SH3RF3: variants seen among roughly 807,000 people sequenced by gnomAD.
The protein encoded by SH3RF3 is E3 ubiquitin-protein ligase SH3RF3.
Under a neutral mutation model 66.3 loss-of-function variants are expected in SH3RF3, and 29 were observed. The observed-to-expected ratio is 0.44, with a 90% CI of 0.33 to 0.60. The LOEUF (loss-of-function observed/expected upper bound fraction) is 0.60. Among genes scored for constraint, SH3RF3 ranks in the 20% least tolerant of loss-of-function variants. SH3RF3 has a pLI of 0.04. For synonymous variants in SH3RF3, 583 were observed against 532.0 expected (o/e 1.10, Z -1.32); for missense variants, 1,194 against 1,190.9 (o/e 1.00, Z -0.04).
chr2:109,207,684 A>G (rs1448448029), intron 1 of SH3RF3, among the ~76,000 whole-genome samples: 2 of 152,110 alleles, frequency 1.3e-5, no homozygotes, highest in East Asian at 1.9e-4. Context: ...TTGGAAAGCT[A>G]TTTTCACATG....
intron 1 of SH3RF3, among the ~76,000 whole-genome samples, chr2:109,307,435 T>TTTA (rs5833326): frequency 3.8e-4 from 57 of 150,448 alleles, no homozygotes; most frequent in East Asian, 2.7e-3. Flanking sequence ...TTTTTTTTAT[T>TTTA]ATTATACTTT....
intron 8 of SH3RF3, among the ~76,000 whole-genome samples, chr2:109,484,422 C>G (rs1421330397): frequency 6.6e-6 from 1 of 152,152 alleles, no homozygotes. Flanking sequence ...CATCCACACT[C>G]TGGCCCGCAC....
Position 109,353,955 on chromosome 2 carries a change from GC to G in SH3RF3, c.849+6010del, listed in dbSNP as rs1316079599. Among the ~76,000 whole-genome samples, 3 of 152,130 alleles carry G rather than the reference GC, an allele frequency of 2.0e-5. No individual in the cohort carries two copies. The East Asian group carries it at 5.8e-4, about 29-fold the overall frequency. On this transcript the variant is annotated intron_variant, in intron 2 of 9. Transcript: ENST00000309415. ...GAACACGATGGGAACACCAGAGGAA[GC>G]CCCTAGATGCTCTGGAAAGTCAGAG...
chr2:109,371,263 G>A (rs995668339), intron 2 of SH3RF3, among the ~76,000 whole-genome samples: 3 of 152,220 alleles, frequency 2.0e-5, no homozygotes, highest in East Asian at 3.9e-4. Context: ...GGTGGCACAC[G>A]CCTGTAATCC....
intron 1 of SH3RF3, among the ~76,000 whole-genome samples, chr2:109,259,521 C>T (rs1412706658): frequency 2.6e-5 from 4 of 152,142 alleles, no homozygotes; most frequent in African/African-American, 7.2e-5. Flanking sequence ...CAGGACTCTC[C>T]GGGGCCCTTC....
At chr2:109,377,524 G>A (rs1331994676) in intron 3 of SH3RF3, among the ~76,000 whole-genome samples, 7 of 152,222 alleles carry the variant, frequency 4.6e-5, no homozygotes, top group Non-Finnish European at 1.0e-4. Context: ...GGATGCTTGT[G>A]CCTTAGTTGG....
chr2:109,149,111 T>C (rs1677172026), intron 1 of SH3RF3, among the ~76,000 whole-genome samples: 1 of 152,154 alleles, frequency 6.6e-6, no homozygotes. Context: ...TTCTGGGCTC[T>C]GGGAAGGAGC....
At chr2:109,500,520 G>A (rs1304520754) in intron 9 of SH3RF3, among the ~76,000 whole-genome samples, 1 of 152,208 alleles carries the variant, frequency 6.6e-6, no homozygotes, top group Non-Finnish European at 1.5e-5. Context: ...GGCCTCAGAG[G>A]CTGCAGGGGG....
chr2:109,377,529 A>C (rs1459699655), intron 3 of SH3RF3, among the ~76,000 whole-genome samples: 1 of 152,180 alleles, frequency 6.6e-6, no homozygotes, highest in Non-Finnish European at 1.5e-5. Flanking sequence ...CTTGTGCCTT[A>C]GTTGGTTGTT....
intron 4 of SH3RF3, among the ~76,000 whole-genome samples, chr2:109,415,416 G>C (rs1676696096): frequency 6.6e-6 from 1 of 152,164 alleles, no homozygotes; most frequent in South Asian, 2.1e-4. Flanking sequence ...CTCAGAGCTG[G>C]GCCCAGCCAT....
At chr2:109,471,228 A>G (rs1024073128) in intron 8 of SH3RF3, among the ~76,000 whole-genome samples, 4 of 151,738 alleles carry the variant, frequency 2.6e-5, no homozygotes, top group Admixed American at 6.6e-5. Flanking sequence ...AAAAAAAAAA[A>G]AAAGAAATTA....
chr2:109,145,302 C>T (rs1574472933), intron 1 of SH3RF3, among the ~76,000 whole-genome samples: 1 of 152,162 alleles, frequency 6.6e-6, no homozygotes, highest in African/African-American at 2.4e-5. Flanking sequence ...GGTTACAAGC[C>T]CACTCAGCCC....
intron 2 of SH3RF3, among the ~76,000 whole-genome samples, chr2:109,355,662 C>T (rs1407953133): frequency 6.6e-6 from 1 of 152,170 alleles, no homozygotes; most frequent in African/African-American, 2.4e-5. Flanking sequence ...CCATTGGGAG[C>T]CTCTGGTATT....
chr2:109,481,245 C>G (rs1678827214), intron 8 of SH3RF3, among the ~76,000 whole-genome samples: 1 of 152,242 alleles, frequency 6.6e-6, no homozygotes, highest in Non-Finnish European at 1.5e-5. Flanking sequence ...ACACAGGTCT[C>G]TCTGTGCTCA....
intron 2 of SH3RF3, among the ~76,000 whole-genome samples, chr2:109,369,929 A>G (rs77925721): frequency 0.13 from 19,733 of 152,184 alleles, 1,431 homozygotes; most frequent in Middle Eastern, 0.24. Flanking sequence ...GGCTCCTTGG[A>G]AAGGCGGGTG....
intron 1 of SH3RF3, among the ~76,000 whole-genome samples, chr2:109,210,039 C>A (rs745905496): frequency 3.9e-5 from 6 of 152,204 alleles, no homozygotes; most frequent in Non-Finnish European, 8.8e-5. Flanking sequence ...ATTCTAGGGA[C>A]CGCAGAGTCA....
chr2:109,426,446 G>C (rs116494267), intron 5 of SH3RF3, among the ~76,000 whole-genome samples: 1,556 of 152,308 alleles, frequency 0.01, 20 homozygotes, highest in Middle Eastern at 0.048. Flanking sequence ...GGAAGTCACC[G>C]CAGATGTGGT....
At chr2:109,247,771 A>G (rs918035847) in intron 1 of SH3RF3, among the ~76,000 whole-genome samples, 2 of 152,198 alleles carry the variant, frequency 1.3e-5, no homozygotes, top group Admixed American at 6.5e-5. Context: ...GCTTAAAATA[A>G]TACCTTTTTA....
chr2:109,167,588 T>A (rs1024001142), intron 1 of SH3RF3, among the ~76,000 whole-genome samples: 1 of 152,226 alleles, frequency 6.6e-6, no homozygotes, highest in Non-Finnish European at 1.5e-5. Context: ...AGTTGTTTAT[T>A]TTTGAGACAG....
Sources: gnomAD v4.1 joint callset for allele counts (sites outside exome capture counted in the v4.1 genomes callset) on GRCh38, gnomAD v4.1.1 for gene constraint, MANE v1.5 for transcripts, NCBI Gene and HGNC (gene_info 2026-07-23, HGNC 2026-07-21) for gene names.